The following TENM4 variants were observed in gnomAD, a reference collection of about 807,000 sequenced individuals.
The protein encoded by TENM4 is teneurin transmembrane protein 4, also known as teneurin-4.
A neutral mutation model predicts 243.3 loss-of-function variants in TENM4; 82 were observed. The ratio of observed to expected loss-of-function variants is 0.34; its 90% CI spans 0.28 to 0.40. TENM4 has a LOEUF of 0.40. TENM4 is among the 10% of genes least tolerant of loss of function. TENM4 has a pLI of 1.00. For missense variants in TENM4, 3,138 were observed against 3,673.3 expected (o/e 0.85, Z 3.77); for synonymous variants, 1,412 against 1,456.3 (o/e 0.97, Z 0.69).
intron 26 of TENM4, among the ~76,000 whole-genome samples, chr11:78,711,267 CAAT>C (rs1859390398): frequency 1.3e-5 from 2 of 152,284 alleles, no homozygotes; most frequent in South Asian, 2.1e-4. Context: ...AATAGAACAA[CAAT>C]AATAGGAATC....
chr11:79,136,983 A>G (rs1461474765), intron 4 of TENM4, among the ~76,000 whole-genome samples: 1 of 152,108 alleles, frequency 6.6e-6, no homozygotes, highest in African/African-American at 2.4e-5. Flanking sequence ...CTGAATCAGC[A>G]TCCAATCTAT....
intron 19 of TENM4, among the ~76,000 whole-genome samples, chr11:78,746,403 T>C (rs1590988889): frequency 6.6e-6 from 1 of 152,258 alleles, no homozygotes; most frequent in Non-Finnish European, 1.5e-5. Context: ...AGCATGGCTG[T>C]TGAGCTCCTT....
At chr11:79,220,863 A>G (rs1864142680) in intron 2 of TENM4, 2 of 152,116 alleles carry the variant, frequency 1.3e-5, no homozygotes, top group African/African-American at 4.8e-5. Flanking sequence ...TTCTTCTGGG[A>G]TTTTTATGCT....
At chr11:79,260,964 G>A (rs748980367) in intron 2 of TENM4, among the ~76,000 whole-genome samples, 4 of 152,210 alleles carry the variant, frequency 2.6e-5, no homozygotes, top group African/African-American at 4.8e-5. Flanking sequence ...CTTGGAAACA[G>A]AGCAAAAGAA....
At chr11:78,742,280 C>T (rs1008457477) in intron 19 of TENM4, among the ~76,000 whole-genome samples, 8 of 152,092 alleles carry the variant, frequency 5.3e-5, no homozygotes, top group African/African-American at 1.9e-4. Flanking sequence ...AAGACTTGCT[C>T]GAGGTCACCC....
intron 9 of TENM4, among the ~76,000 whole-genome samples, chr11:78,869,856 C>T (rs755745556): frequency 2.6e-5 from 4 of 152,160 alleles, no homozygotes; most frequent in Non-Finnish European, 5.9e-5. Context: ...GACAGCATAG[C>T]TAGATTTGCT....
intron 2 of TENM4, among the ~76,000 whole-genome samples, chr11:79,251,027 T>A (rs1855600932): frequency 6.6e-6 from 1 of 152,090 alleles, no homozygotes; most frequent in Non-Finnish European, 1.5e-5. Context: ...TCAAAATGAA[T>A]TGGGAAAAAA....
At chr11:79,398,737 TAAAAAA>T (rs5792854) in intron 1 of TENM4, among the ~76,000 whole-genome samples, 4 of 102,784 alleles carry the variant, frequency 3.9e-5, no homozygotes, top group Admixed American at 1.1e-4. Flanking sequence ...TCAGATGCTT[TAAAAAA>T]AAAAAAAAAA....
chr11:79,226,290 C>T (rs553325607), intron 2 of TENM4, among the ~76,000 whole-genome samples: 64 of 152,276 alleles, frequency 4.2e-4, no homozygotes, highest in South Asian at 1.5e-3. Flanking sequence ...TCTTCTGCTC[C>T]GTCCTTGGAC....
intron 1 of TENM4, among the ~76,000 whole-genome samples, chr11:79,389,604 A>C (rs1284363936): frequency 6.6e-6 from 1 of 152,208 alleles, no homozygotes; most frequent in Non-Finnish European, 1.5e-5. Flanking sequence ...GGCCAAATCC[A>C]TTTCTGTATG....
At chr11:79,114,722 C>T (rs187325227) in intron 4 of TENM4, among the ~76,000 whole-genome samples, 22 of 152,254 alleles carry the variant, frequency 1.4e-4, no homozygotes, top group Non-Finnish European at 2.8e-4. Flanking sequence ...GTAACTGATC[C>T]AGTTCATCAG....
intron 3 of TENM4, among the ~76,000 whole-genome samples, chr11:79,164,024 T>TA (rs200619665): frequency 0.62 from 76,566 of 123,492 alleles, 24,304 homozygotes; most frequent in Non-Finnish European, 0.66. Context: ...ATATATAGTA[T>TA]GTATATAGTA....
rs1333862005 is a variant in TENM4 at position 78,854,242 on chromosome 11, G to A, written c.1543C>T (p.Arg515Cys). The change falls in exon 12 of 34, where the codon CGC (arginine) becomes TGC (cysteine). Residue 515 changes from arginine (R) to cysteine (C), a missense_variant. Around this residue, in one of 2 missense-constraint regions of TENM4, gnomAD observed 2,467 missense variants for 3,059.1 expected, o/e 0.81. Coordinates refer to ENST00000278550, the MANE Select transcript of TENM4 (RefSeq NM_001098816.3). ...QEARSLEGTP[R>C]QSRGTVPPSS... Reference sequence around the variant, plus strand: ...GGGGGCACAGTTCCCCGAGACTGGCGCGGGGTCCCCTCTAGGCTCCGCGCC... The same window carrying A: ...GGGGGCACAGTTCCCCGAGACTGGCACGGGGTCCCCTCTAGGCTCCGCGCC... The A allele has an allele frequency of 7.1e-6, 11 of 1,550,986 alleles. No homozygotes were observed. Among genetic ancestry groups the A allele is most frequent in the East Asian group, 2.4e-5 (1 of 40,904 alleles).
chr11:79,140,308 C>A lies in TENM4; in HGVS notation c.-66+8402G>T, dbSNP rs534643542. 1.3e-3 allele frequency among the ~76,000 whole-genome samples: 202 copies of A among 152,248 alleles called. 2 individuals are homozygous for A. Among genetic ancestry groups the A allele is most frequent in the Non-Finnish European group, 2.3e-3 (159 of 68,018 alleles). On this transcript the variant is annotated intron_variant, in intron 4 of 33. Coordinates refer to ENST00000278550, the MANE Select transcript of TENM4 (RefSeq NM_001098816.3). The stretch of plus-strand genomic sequence containing the variant: ...TTCTTTGAAGACATACCATCCCCTT[C>A]CCTCCGGGCTCCCTACCCCCAAGGT...
chr11:78,997,605 AG>A (rs1395635582), intron 6 of TENM4, among the ~76,000 whole-genome samples: 1 of 152,196 alleles, frequency 6.6e-6, no homozygotes, highest in Non-Finnish European at 1.5e-5. Context: ...AAAAGAAGAA[AG>A]GCCCTGAGCT....
chr11:78,847,011 G>A (rs1481828261), intron 12 of TENM4, among the ~76,000 whole-genome samples: 1 of 152,122 alleles, frequency 6.6e-6, no homozygotes, highest in East Asian at 1.9e-4. Context: ...AATGTTTTAG[G>A]AAAAATTCTG....
chr11:79,269,823 T>C (rs964660695), intron 2 of TENM4: 2 of 152,284 alleles, frequency 1.3e-5, no homozygotes, highest in African/African-American at 4.8e-5. Flanking sequence ...CTCTGTGGCA[T>C]GCTTAATGAA....
At chr11:79,007,763 C>G (rs1444710123) in intron 6 of TENM4, among the ~76,000 whole-genome samples, 7 of 152,168 alleles carry the variant, frequency 4.6e-5, no homozygotes, top group African/African-American at 1.4e-4. Flanking sequence ...TTCCTAAATC[C>G]TCTCCCTTGC....
chr11:79,214,160 AT>A (rs1286231935), intron 3 of TENM4, among the ~76,000 whole-genome samples: 1 of 151,358 alleles, frequency 6.6e-6, no homozygotes, highest in African/African-American at 2.4e-5. Context: ...CCTGGCTAAT[AT>A]TTTTTTTACT....
Sources: allele counts gnomAD v4.1 joint callset (sites outside exome capture counted in the v4.1 genomes callset), GRCh38; gene constraint gnomAD v4.1.1; regional missense constraint gnomAD v4.1.1; transcripts MANE v1.5; gene names NCBI Gene and HGNC (gene_info 2026-07-23, HGNC 2026-07-21).